Variants in FHIT observed in about 807,000 individuals in gnomAD.
FHIT encodes fragile histidine triad diadenosine triphosphatase.
A neutral mutation model predicts 17.9 loss-of-function variants in FHIT; 19 were observed. The observed-to-expected ratio is 1.06, with a 90% CI of 0.74 to 1.56. The LOEUF is 1.56. Among genes scored for constraint, FHIT ranks in the 40% most tolerant of loss-of-function variants. The probability of loss-of-function intolerance (pLI) is 0.00; values close to 1 mark genes in which losing one functional copy is unlikely to be tolerated. For synonymous variants in FHIT, 81 were observed against 69.7 expected (o/e 1.16, Z -0.81); for missense variants, 248 against 189.2 (o/e 1.31, Z -1.82).
chr3:59,794,090 C>A (rs534316633), intron 8 of FHIT, among the ~76,000 whole-genome samples: 2 of 152,266 alleles, frequency 1.3e-5, no homozygotes, highest in African/African-American at 4.8e-5. Flanking sequence ...AAAAAAAGAG[C>A]CTTATCCTCC....
chr3:60,539,529 A>T (rs2036108909), intron 4 of FHIT, among the ~76,000 whole-genome samples: 1 of 152,204 alleles, frequency 6.6e-6, no homozygotes, highest in Admixed American at 6.5e-5. Flanking sequence ...AATAGCAAAG[A>T]CTTGGAACCA....
At chr3:60,183,119 C>G (rs531874085) in intron 5 of FHIT, among the ~76,000 whole-genome samples, 126 of 152,024 alleles carry the variant, frequency 8.3e-4, no homozygotes, top group African/African-American at 2.8e-3. Context: ...AGGAGCTGGC[C>G]AGGCACGGTG....
At chr3:59,777,040 G>A (rs538502079) in intron 8 of FHIT, among the ~76,000 whole-genome samples, 6 of 152,128 alleles carry the variant, frequency 3.9e-5, no homozygotes, top group South Asian at 2.1e-4. Context: ...CTGTGCTCTC[G>A]TCACATTCTT....
At chr3:60,901,615 G>T (rs897064557) in intron 3 of FHIT, among the ~76,000 whole-genome samples, 17 of 152,128 alleles carry the variant, frequency 1.1e-4, no homozygotes, top group African/African-American at 4.1e-4. Context: ...TAATACACTG[G>T]GTGTCCAAGT....
chr3:61,043,767 T>C (rs2033647104), intron 2 of FHIT, among the ~76,000 whole-genome samples: 1 of 152,236 alleles, frequency 6.6e-6, no homozygotes, highest in African/African-American at 2.4e-5. Context: ...CAAGTACCCC[T>C]CTGAGACAAA....
chr3:60,552,886 G>C (rs1258323245), intron 4 of FHIT, among the ~76,000 whole-genome samples: 3 of 152,194 alleles, frequency 2.0e-5, no homozygotes, highest in Non-Finnish European at 4.4e-5. Flanking sequence ...TTATCTGCAT[G>C]TCTGGATGGG....
rs544150239 is a variant in FHIT, at chr3:61,028,263, T to C, written c.-111+13784A>G. ...GGAAAGTCAAGATAGCTTTCTACAA[T>C]TCACAAAAACTATGGAGACATACAA... On this transcript the variant is annotated intron_variant, in intron 3 of 9. Coordinates refer to ENST00000492590, the MANE Select transcript of FHIT (RefSeq NM_002012.4). Among the ~76,000 whole-genome samples the C allele has an allele frequency of 5.3e-5, 8 of 152,298 alleles. No individual in the cohort carries two copies. The South Asian group carries it at 1.7e-3, about 32-fold the overall frequency.
chr3:60,428,120 T>A (rs2594251), intron 5 of FHIT, among the ~76,000 whole-genome samples: 1 of 152,062 alleles, frequency 6.6e-6, no homozygotes, highest in African/African-American at 2.4e-5. Context: ...TCTTCCAAAG[T>A]TAATGAAATT....
At chr3:60,722,989 G>A (rs1553708502) in intron 4 of FHIT, among the ~76,000 whole-genome samples, 2 of 151,974 alleles carry the variant, frequency 1.3e-5, no homozygotes, top group East Asian at 1.9e-4. Flanking sequence ...CCAAAGTGCT[G>A]GGATTACAGG....
At chr3:60,812,833 G>A (rs1025267828) in intron 4 of FHIT, among the ~76,000 whole-genome samples, 1 of 152,150 alleles carries the variant, frequency 6.6e-6, no homozygotes, top group Non-Finnish European at 1.5e-5. Context: ...CAGATTTGAA[G>A]GCTGGCTCTG....
chr3:61,204,760 G>A (rs1386982922), intron 1 of FHIT, among the ~76,000 whole-genome samples: 1 of 152,124 alleles, frequency 6.6e-6, no homozygotes, highest in Admixed American at 6.5e-5. Context: ...GACGGAATAA[G>A]TTATTGTTAG....
intron 3 of FHIT, among the ~76,000 whole-genome samples, chr3:60,831,551 AC>A (rs1275142212): frequency 6.6e-6 from 1 of 152,222 alleles, no homozygotes; most frequent in Non-Finnish European, 1.5e-5. Flanking sequence ...GAATAAAAAG[AC>A]CTGCCAGAGT....
intron 3 of FHIT, among the ~76,000 whole-genome samples, chr3:60,883,831 A>G (rs1553758613): frequency 6.6e-6 from 1 of 152,116 alleles, no homozygotes; most frequent in Non-Finnish European, 1.5e-5. Flanking sequence ...GACCTCAAAT[A>G]TAAAGGCAAC....
intron 4 of FHIT, among the ~76,000 whole-genome samples, chr3:60,567,987 G>C (rs937004955): frequency 1.4e-4 from 22 of 152,298 alleles, no homozygotes; most frequent in Middle Eastern, 3.4e-3. Flanking sequence ...TGGAGAAATA[G>C]GAACACTTTA....
intron 4 of FHIT, among the ~76,000 whole-genome samples, chr3:60,646,576 ATATTT>A (rs1553686788): frequency 6.6e-6 from 1 of 152,238 alleles, no homozygotes; most frequent in East Asian, 1.9e-4. Context: ...GCCAAAAAGA[ATATTT>A]TAAAGAGCTG....
At chr3:60,109,716 G>T (rs1704588753) in intron 5 of FHIT, among the ~76,000 whole-genome samples, 1 of 152,120 alleles carries the variant, frequency 6.6e-6, no homozygotes, top group African/African-American at 2.4e-5. Context: ...GGTGAAAATG[G>T]AACTTGAGGC....
intron 4 of FHIT, among the ~76,000 whole-genome samples, chr3:60,809,083 A>T (rs1701490938): frequency 6.6e-6 from 1 of 152,222 alleles, no homozygotes; most frequent in South Asian, 2.1e-4. Flanking sequence ...AGTTTCAGGA[A>T]TTCTTAAGAA....
At chr3:60,563,541 C>T (rs2037028887) in intron 4 of FHIT, among the ~76,000 whole-genome samples, 1 of 152,192 alleles carries the variant, frequency 6.6e-6, no homozygotes, top group Non-Finnish European at 1.5e-5. Flanking sequence ...TTGGGCCAAA[C>T]AGCCACGCTG....
At chr3:60,817,770 C>T (rs148121394) in intron 4 of FHIT, among the ~76,000 whole-genome samples, 1 of 152,150 alleles carries the variant, frequency 6.6e-6, no homozygotes, top group African/African-American at 2.4e-5. Context: ...TTGATCTATG[C>T]ATTTATGTAT....
Sources: gnomAD v4.1 joint callset for allele counts (sites outside exome capture counted in the v4.1 genomes callset) on GRCh38, gnomAD v4.1.1 for gene constraint, MANE v1.5 for transcripts, NCBI Gene and HGNC (gene_info 2026-07-23, HGNC 2026-07-21) for gene names.